Variants in APC observed in about 807,000 individuals in gnomAD.
APC encodes the protein APC regulator of Wnt signaling pathway, also known as adenomatous polyposis coli protein.
A neutral mutation model predicts 247.0 loss-of-function variants in APC; 72 were observed. The ratio of observed to expected loss-of-function variants is 0.29; its 90% CI spans 0.24 to 0.35. APC has a LOEUF of 0.35. APC is among the 10% of genes least tolerant of loss of function. The pLI, the probability that APC is intolerant of heterozygous loss-of-function variation, is 1.00. For missense variants in APC, 3,400 were observed against 3,360.7 expected (o/e 1.01, Z -0.29); for synonymous variants, 1,254 against 1,162.5 (o/e 1.08, Z -1.60).
chr5:112,837,514 T>C (rs762953925), intron 15 of APC, 39 bp from the exon 16 acceptor site: 1 of 1,497,714 alleles, frequency 6.7e-7, no homozygotes. Flanking sequence ...TGCATACACA[T>C]TGTGACCTTA....
chr5:112,731,730 A>G (rs1752108768), intron 1 of APC, among the ~76,000 whole-genome samples: 1 of 152,054 alleles, frequency 6.6e-6, no homozygotes, highest in South Asian at 2.1e-4. Context: ...TGATCATTTG[A>G]TATACTAAAA....
chr5:112,811,571 G>T (rs1761987123), intron 8 of APC, among the ~76,000 whole-genome samples: 1 of 152,140 alleles, frequency 6.6e-6, no homozygotes, highest in South Asian at 2.1e-4. Context: ...GAGACAGATT[G>T]GTGAATGAAG....
intron 1 of APC, among the ~76,000 whole-genome samples, chr5:112,732,539 CTAT>C (rs1322020870): frequency 6.6e-6 from 1 of 152,164 alleles, no homozygotes; most frequent in East Asian, 1.9e-4. Flanking sequence ...AATTGCTCTA[CTAT>C]TATTCCGTGA....
rs1017844073 is a variant in APC, at chr5:112,840,404, C to T, written c.4810C>T (p.Pro1604Ser). ...CCAGACTGCTTCAAAATTACCTCCA[C>T]CTGTGGCAAGGAAACCAAGTCAGCT... Reference protein sequence around the residue: ...PAQTASKLPPPVARKPSQLPV... With the variant: ...PAQTASKLPPSVARKPSQLPV... The change falls in exon 16 of 16, where the codon CCT becomes TCT. Residue 1604 changes from proline (P) to serine (S), a missense_variant. Physicochemically the swap from Pro to Ser is moderately conservative, Grantham distance 74. This residue lies in a region of APC where 1,788 missense variants were observed against 1,649.5 expected (regional missense o/e 1.08). Coordinates refer to ENST00000257430, the MANE Select transcript of APC (RefSeq NM_000038.6). This position sits in a 1 kb window ranked among gnomAD's most constrained non-coding sequence, Gnocchi z 4.1. 1 of 1,614,196 alleles carries T rather than the reference C, an allele frequency of 6.2e-7. No homozygotes were observed. The highest frequency in any genetic ancestry group is 8.5e-7 in the Non-Finnish European group (1 of 1,180,032).
At position 112,841,940 on chromosome 5, in the gene APC, C is replaced by T. The variant is rs1274567443; in HGVS notation, c.6346C>T (p.His2116Tyr). Residue 2116 changes from histidine (H) to tyrosine (Y), a missense_variant, in exon 16 of 16, where the codon CAT (histidine) becomes TAT (tyrosine). Physicochemically the swap from His to Tyr is moderately conservative, Grantham distance 83. This residue lies in a region of APC where 1,788 missense variants were observed against 1,649.5 expected (regional missense o/e 1.08). Transcript: ENST00000257430. The surrounding 1 kb of genome is among the most constrained non-coding windows in gnomAD (Gnocchi z 4.6). ...EGANSIVSSL[H>Y]QAAAAACLSR... ...TGCAAATTCCATAGTAAGTAGTTTA[C>T]ATCAAGCTGCTGCTGCTGCATGTTT... 1.2e-6 allele frequency: 2 copies of T among 1,613,968 alleles called. No individual in the cohort carries two copies. The highest frequency in any genetic ancestry group is 1.1e-5 in the South Asian group (1 of 91,076).
At chr5:112,826,053 ATT>A (rs1244684867) in intron 11 of APC, among the ~76,000 whole-genome samples, 1 of 152,206 alleles carries the variant, frequency 6.6e-6, no homozygotes, top group African/African-American at 2.4e-5. Flanking sequence ...ATCTTCCTAC[ATT>A]TAAATCCCTT....
intron 1 of APC, among the ~76,000 whole-genome samples, chr5:112,724,769 AGT>A (rs1321296566): frequency 2.6e-5 from 4 of 152,116 alleles, no homozygotes; most frequent in Non-Finnish European, 5.9e-5. Context: ...TTTGGTGGTG[AGT>A]GCACAGAATT....
chr5:112,738,787 G>A (rs1752638919), intron 1 of APC, among the ~76,000 whole-genome samples: 1 of 152,216 alleles, frequency 6.6e-6, no homozygotes, highest in Non-Finnish European at 1.5e-5. Context: ...TTTAAAGTAG[G>A]AATAATGTCA....
chr5:112,824,957 C>A (rs1386010544), intron 11 of APC, among the ~76,000 whole-genome samples: 2 of 151,844 alleles, frequency 1.3e-5, no homozygotes, highest in African/African-American at 4.8e-5. Flanking sequence ...GAGTTTTTTC[C>A]CTGAGTTTTA....
chr5:112,766,297 A>T, intron 2 of APC, 29 bp from the exon 3 acceptor site: 1 of 1,419,782 alleles, frequency 7.0e-7, no homozygotes, highest in Non-Finnish European at 1.0e-6. Context: ...TTAGAATTTC[A>T]TGTTAATATA....
upstream of APC, among the ~76,000 whole-genome samples, chr5:112,735,748 A>C (rs1752349458): frequency 6.6e-6 from 1 of 152,182 alleles, no homozygotes; most frequent in African/African-American, 2.4e-5. Flanking sequence ...TAAGAAAAAT[A>C]TTACTGAGTA....
chr5:112,799,431 C>T (rs1760565930), intron 7 of APC, among the ~76,000 whole-genome samples: 1 of 151,968 alleles, frequency 6.6e-6, no homozygotes, highest in South Asian at 2.1e-4. Flanking sequence ...TCAGCGAACC[C>T]GATCAGATTT....
chr5:112,755,910 G>T (rs998014687), intron 2 of APC, among the ~76,000 whole-genome samples: 2 of 148,284 alleles, frequency 1.3e-5, no homozygotes, highest in African/African-American at 5.0e-5. Context: ...AGGAGCTCGA[G>T]ACCTGCCTGG....
upstream of APC, among the ~76,000 whole-genome samples, chr5:112,736,360 G>T (rs146167331): frequency 6.1e-3 from 926 of 152,180 alleles, 7 homozygotes; most frequent in Middle Eastern, 0.01. Context: ...AATATTTGGG[G>T]TGTATTTGCT....
rs587778031 is a variant in APC at position 112,841,337 on chromosome 5, A to C, written c.5743A>C (p.Lys1915Gln). The change falls in exon 16 of 16, where the codon AAG (lysine) becomes CAG (glutamine). Residue 1915 changes from lysine to glutamine, a missense_variant. Coordinates refer to ENST00000257430, the MANE Select transcript of APC (RefSeq NM_000038.6). The surrounding 1 kb of genome is among the most constrained non-coding windows in gnomAD (Gnocchi z 4.6). ...AGCTAATAAGACACAAGCTATTGCA[A>C]AGCAGCCAATAAATCGAGGTCAGCC... is the stretch of plus-strand genomic sequence containing the variant. ...QSANKTQAIAKQPINRGQPKP... is the reference protein window; with the variant it reads ...QSANKTQAIAQQPINRGQPKP... 6.2e-7 allele frequency: 1 copy of C among 1,613,886 alleles called. No homozygotes were observed. Among genetic ancestry groups the C allele is most frequent in the African/African-American group, 1.3e-5 (1 of 74,920 alleles).
chr5:112,742,588 G>A (rs370757302), intron 1 of APC, among the ~76,000 whole-genome samples: 33 of 152,228 alleles, frequency 2.2e-4, no homozygotes, highest in African/African-American at 6.7e-4. Context: ...GTTTTTCATT[G>A]GCTATTGGCA....
chr5:112,792,809 A>G (rs1267127537), intron 7 of APC, among the ~76,000 whole-genome samples: 2 of 152,160 alleles, frequency 1.3e-5, no homozygotes, highest in African/African-American at 4.8e-5. Context: ...TTTGGCTACT[A>G]TCCAGTAAGT....
intron 1 of APC, among the ~76,000 whole-genome samples, chr5:112,752,448 T>G (rs1465223743): frequency 6.6e-6 from 1 of 152,168 alleles, no homozygotes; most frequent in Non-Finnish European, 1.5e-5. Flanking sequence ...CCTTGTGCTT[T>G]CTTCTCCCCT....
chr5:112,738,295 T>C, intron 1 of APC: 1 of 985,504 alleles, frequency 1.0e-6, no homozygotes, highest in Non-Finnish European at 1.2e-6. Context: ...AGCATATTCA[T>C]GGCGAGGAGC....
Sources: gnomAD v4.1 joint callset for allele counts (sites outside exome capture counted in the v4.1 genomes callset) on GRCh38, gnomAD v4.1.1 for gene constraint, gnomAD v4.1.1 regional missense constraint, Gnocchi (gnomAD v3.1) non-coding constraint, MANE v1.5 for transcripts, NCBI Gene and HGNC (gene_info 2026-07-23, HGNC 2026-07-21) for gene names.